SOX5: variants seen among roughly 807,000 people sequenced by gnomAD.
SOX5 encodes SRY-box transcription factor 5, also known as transcription factor SOX-5.
A neutral mutation model predicts 92.0 loss-of-function variants in SOX5; 9 were observed. The ratio of observed to expected loss-of-function variants is 0.10; its 90% CI spans 0.06 to 0.17. The LOEUF is 0.17. Ranked by LOEUF, SOX5 falls within the 10% of genes least tolerant of loss-of-function variation. SOX5 has a pLI of 1.00. For synonymous variants in SOX5, 344 were observed against 336.3 expected, an observed-to-expected ratio of 1.02 and a Z score of -0.25; for missense variants, 642 against 944.5, an observed-to-expected ratio of 0.68 and a Z score of 4.20.
chr12:24,296,928 CAG>C (rs1450326775), intron 2 of SOX5, among the ~76,000 whole-genome samples: 1 of 87,610 alleles, frequency 1.1e-5, no homozygotes, highest in Non-Finnish European at 2.3e-5. Flanking sequence ...CATAGACAGA[CAG>C]ACACACACAC....
At chr12:24,534,287 T>C (rs1951445420) in intron 1 of SOX5, among the ~76,000 whole-genome samples, 1 of 152,008 alleles carries the variant, frequency 6.6e-6, no homozygotes, top group Non-Finnish European at 1.5e-5. Context: ...GAGCTACTAT[T>C]ACAAGCAAGA....
At chr12:24,145,122 TA>T (rs1313009340) in intron 4 of SOX5, among the ~76,000 whole-genome samples, 3 of 151,478 alleles carry the variant, frequency 2.0e-5, no homozygotes, top group Non-Finnish European at 4.4e-5. Flanking sequence ...AATAAAGAAA[TA>T]AAAAGGGAGG....
chr12:24,081,401 T>G (rs1235605625), intron 4 of SOX5, among the ~76,000 whole-genome samples: 1 of 152,038 alleles, frequency 6.6e-6, no homozygotes, highest in Non-Finnish European at 1.5e-5. Context: ...ACAGATTTAT[T>G]TATAAGCTGT....
chr12:23,848,394 G>A (rs1346141755), intron 2 of SOX5, among the ~76,000 whole-genome samples: 1 of 152,118 alleles, frequency 6.6e-6, no homozygotes, highest in Non-Finnish European at 1.5e-5. Context: ...AAACTCAGTT[G>A]CTGCAGCAGT....
At chr12:24,425,641 C>G (rs142966686) in intron 1 of SOX5, among the ~76,000 whole-genome samples, 48 of 152,308 alleles carry the variant, frequency 3.2e-4, no homozygotes, top group African/African-American at 1.1e-3. Context: ...AATTTTCCCC[C>G]AAATAGAAAA....
At chr12:24,341,965 T>A (rs1040504583) in intron 2 of SOX5, among the ~76,000 whole-genome samples, 4 of 152,110 alleles carry the variant, frequency 2.6e-5, no homozygotes, top group Non-Finnish European at 5.9e-5. Flanking sequence ...TCTTAACTAA[T>A]CCCCAGTATT....
intron 1 of SOX5, among the ~76,000 whole-genome samples, chr12:24,434,388 C>T (rs1409648330): frequency 1.3e-5 from 2 of 152,102 alleles, no homozygotes; most frequent in Non-Finnish European, 2.9e-5. Context: ...CTTCCATGGC[C>T]TATCAAATTC....
intron 4 of SOX5, among the ~76,000 whole-genome samples, chr12:24,130,754 C>A (rs899611072): frequency 3.3e-5 from 5 of 152,168 alleles, no homozygotes; most frequent in African/African-American, 1.2e-4. Context: ...CTGGCTGCTT[C>A]CCTGTGGCCA....
chr12:23,762,154 A>G (rs2094578248), intron 3 of SOX5, among the ~76,000 whole-genome samples: 1 of 152,140 alleles, frequency 6.6e-6, no homozygotes, highest in Non-Finnish European at 1.5e-5. Context: ...CTATTTGTAC[A>G]CTAAAAACCA....
At chr12:24,125,022 T>C (rs1948978979) in intron 4 of SOX5, among the ~76,000 whole-genome samples, 1 of 152,222 alleles carries the variant, frequency 6.6e-6, no homozygotes, top group Non-Finnish European at 1.5e-5. Flanking sequence ...ATTATAAATA[T>C]AGCCATTTTT....
chr12:24,049,546 C>T (rs1460157633), intron 4 of SOX5, among the ~76,000 whole-genome samples: 1 of 149,936 alleles, frequency 6.7e-6, no homozygotes, highest in East Asian at 2.0e-4. Flanking sequence ...TGCAGCTAAT[C>T]ATTAGATGAC....
intron 4 of SOX5, among the ~76,000 whole-genome samples, chr12:24,186,280 T>A (rs1203041201): frequency 1.3e-5 from 2 of 152,104 alleles, no homozygotes; most frequent in African/African-American, 2.4e-5. Flanking sequence ...GGTTAAGTCA[T>A]AAAGGTAGAA....
intron 4 of SOX5, among the ~76,000 whole-genome samples, chr12:24,175,611 T>C (rs1954719658): frequency 6.6e-6 from 1 of 152,218 alleles, no homozygotes; most frequent in African/African-American, 2.4e-5. Context: ...ATGTCATATA[T>C]ATTTTATTTG....
At chr12:23,778,022 G>T (rs1472780846) in intron 3 of SOX5, among the ~76,000 whole-genome samples, 15 of 152,124 alleles carry the variant, frequency 9.9e-5, no homozygotes, top group Admixed American at 9.2e-4. Flanking sequence ...CTCCACCAAA[G>T]AAATGGCAAC....
At chr12:23,906,001 C>A (rs1016488861) in intron 1 of SOX5, among the ~76,000 whole-genome samples, 1 of 152,080 alleles carries the variant, frequency 6.6e-6, no homozygotes, top group Admixed American at 6.5e-5. Context: ...AATCAAGTCA[C>A]TTGAAGAAAA....
intron 4 of SOX5, among the ~76,000 whole-genome samples, chr12:24,050,097 A>AAG (rs558599224): frequency 1.3e-5 from 2 of 151,446 alleles, no homozygotes; most frequent in Non-Finnish European, 1.5e-5. Context: ...AAAAAAAAAA[A>AAG]AAAAAAAAAG....
chr12:24,357,833 T>C (rs1332230161), intron 2 of SOX5, among the ~76,000 whole-genome samples: 23 of 124,366 alleles, frequency 1.8e-4, no homozygotes, highest in Admixed American at 1.4e-3. Flanking sequence ...AGAGCGAGAC[T>C]CCATCTCAAA....
chr12:24,371,791 C>G (rs1956765948), intron 1 of SOX5, among the ~76,000 whole-genome samples: 1 of 152,134 alleles, frequency 6.6e-6, no homozygotes, highest in African/African-American at 2.4e-5. Context: ...AGTTCCAGAC[C>G]AGCCTATCCA....
In SOX5 at chr12:24,411,612, G is replaced by C. The variant is rs73283486; in HGVS notation, c.-250-42973C>G. Among the ~76,000 whole-genome samples the C allele has an allele frequency of 5.8e-3, 880 of 152,176 alleles. 9 individuals are homozygous for C. The highest frequency in any genetic ancestry group is 0.02 in the African/African-American group (848 of 41,536). ...TGTTAGCATACTGAATTACACTGAT[G>C]GTTTTTCATATACTGAGCCAGCCTT... On this transcript the variant is annotated intron_variant, in intron 1 of 4. Coordinates refer to the SOX5 transcript ENST00000446891.
Sources: allele counts gnomAD v4.1 joint callset (sites outside exome capture counted in the v4.1 genomes callset), GRCh38; gene constraint gnomAD v4.1.1; transcripts MANE v1.5; gene names NCBI Gene and HGNC (gene_info 2026-07-23, HGNC 2026-07-21).